The following DAB2IP variants were observed in gnomAD, a reference collection of about 807,000 sequenced individuals.
DAB2IP encodes the protein disabled homolog 2-interacting protein.
A neutral mutation model predicts 107.2 loss-of-function variants in DAB2IP; 28 were observed. The ratio of observed to expected loss-of-function variants is 0.26; its 90% CI spans 0.19 to 0.36. The LOEUF is 0.36. Ranked by LOEUF, DAB2IP falls within the 10% of genes least tolerant of loss-of-function variation. The probability of loss-of-function intolerance (pLI) is 1.00; values close to 1 mark genes in which losing one functional copy is unlikely to be tolerated. For missense variants in DAB2IP, 1,400 were observed against 1,644.7 expected, an observed-to-expected ratio of 0.85 and a Z score of 2.57; for synonymous variants, 755 against 706.4, an observed-to-expected ratio of 1.07 and a Z score of -1.09.
chr9:121,692,469 G>A (rs1202866496), intron 2 of DAB2IP, among the ~76,000 whole-genome samples: 2 of 152,186 alleles, frequency 1.3e-5, no homozygotes, highest in Non-Finnish European at 2.9e-5. Context: ...ACATGTTTAA[G>A]TGTGTCTTTC....
intron 1 of DAB2IP, among the ~76,000 whole-genome samples, chr9:121,636,796 A>G (rs1234781479): frequency 1.3e-5 from 2 of 152,166 alleles, no homozygotes; most frequent in African/African-American, 4.8e-5. Flanking sequence ...AGCCAAAATG[A>G]CACGGTGCAG....
At chr9:121,598,223 G>C (rs1157575621) in intron 1 of DAB2IP, 4 of 152,432 alleles carry the variant, frequency 2.6e-5, no homozygotes, top group Admixed American at 6.5e-5. Context: ...GCAGAGCTCC[G>C]GCTGCCGTTC....
rs149452173 is a variant in DAB2IP at position 121,772,965 on chromosome 9, T to C, written c.2437T>C (p.Ser813Pro). 3 of 1,590,584 alleles carry C rather than the reference T, an allele frequency of 1.9e-6. No homozygotes were observed. The highest frequency in any genetic ancestry group is 1.7e-6 in the Non-Finnish European group (2 of 1,170,318). The change falls in exon 12 of 16, where the codon TCC becomes CCC. Residue 813 changes from serine (S) to proline (P), a missense_variant. This residue lies in a region of DAB2IP where 600 missense variants were observed against 659.1 expected (regional missense o/e 0.91). Transcript: ENST00000408936. The surrounding 1 kb of genome is among the most constrained non-coding windows in gnomAD (Gnocchi z 4.7). The stretch of plus-strand genomic sequence containing the variant: ...CCAGACACCAACCACACCAGGCACC[T>C]CCGAGGGCGCGCCAGGCCGGCCCCA...
At position 121,776,418 on chromosome 9, in the gene DAB2IP, C is replaced by CCACAGG. The variant is rs768456583; in HGVS notation, c.3314+36_3314+41dup. The CCACAGG allele has an allele frequency of 1.3e-6, 2 of 1,496,500 alleles. No homozygotes were observed. The highest frequency in any genetic ancestry group is 1.8e-6 in the Non-Finnish European group (2 of 1,122,540). 92.7% of individuals were successfully genotyped at this position (1,496,500 alleles called of 1,614,324 possible). A position where few individuals can be genotyped will look rare whatever the true frequency, so the allele number is the denominator to read the frequency against. On this transcript the variant is annotated intron_variant, in intron 14 of 15. Transcript: ENST00000408936. This position sits in a 1 kb window ranked among gnomAD's most constrained non-coding sequence, Gnocchi z 5.4. ...TGGGGCCCACACCTGCCTGGCCTGG[C>CCACAGG]CACAGGCACAGGCAGGGCAGCCATC...
rs1412619760 is a variant in DAB2IP, at chr9:121,634,905, G to A, written c.41-43773G>A. 6.6e-6 allele frequency among the ~76,000 whole-genome samples: 1 copy of A among 152,168 alleles called. No homozygotes were observed. Among genetic ancestry groups the A allele is most frequent in the East Asian group, 1.9e-4 (1 of 5,190 alleles). ...CTGCTCCCTGCTGACTTGCACCTCAGAGGCACCCCCAGCCCCCTCAGCCAG... is the reference window on the plus strand; with the variant it reads ...CTGCTCCCTGCTGACTTGCACCTCAAAGGCACCCCCAGCCCCCTCAGCCAG... On this transcript the variant is annotated intron_variant, in intron 1 of 16. Coordinates refer to the DAB2IP transcript ENST00000259371. This position sits in a 1 kb window ranked among gnomAD's most constrained non-coding sequence, Gnocchi z 4.7.
At position 121,629,594 on chromosome 9, in the gene DAB2IP, C is replaced by G. The variant is rs911953527; in HGVS notation, c.41-49084C>G. On this transcript the variant is annotated intron_variant, in intron 1 of 16. Transcript: ENST00000259371. Reference sequence around the variant, plus strand: ...GCTCTTTCTGAACATAAAATAAGTGCCTGGGAGGCGGCCAGGGCCCCTGAA... The same window carrying G: ...GCTCTTTCTGAACATAAAATAAGTGGCTGGGAGGCGGCCAGGGCCCCTGAA... 5.9e-5 allele frequency among the ~76,000 whole-genome samples: 9 copies of G among 152,242 alleles called. 1 individual carries two copies.
In DAB2IP at chr9:121,636,745, T is replaced by C. The variant is rs535656990; in HGVS notation, c.41-41933T>C. On this transcript the variant is annotated intron_variant, in intron 1 of 16. Coordinates refer to the DAB2IP transcript ENST00000259371. ...TCCCATGTCAGCCTGGAGGAGTCTT[T>C]GCATGTCTTTACACCACGTCTTGAT... Among the ~76,000 whole-genome samples the C allele has an allele frequency of 4.2e-4, 64 of 152,304 alleles. 1 individual carries two copies. The South Asian group carries it at 0.013, about 31-fold the overall frequency.
chr9:121,643,085 C>T (rs1225307189), intron 1 of DAB2IP, among the ~76,000 whole-genome samples: 1 of 152,064 alleles, frequency 6.6e-6, no homozygotes, highest in African/African-American at 2.4e-5. Context: ...CTATCTTAGC[C>T]AGTGGCTCCT....
chr9:121,616,906 C>A (rs1459349388), intron 1 of DAB2IP, among the ~76,000 whole-genome samples: 7 of 152,334 alleles, frequency 4.6e-5, no homozygotes, highest in Middle Eastern at 3.4e-3. Flanking sequence ...CTGCCCCAGG[C>A]ACTGCTGTCC....
At chr9:121,647,735 G>A (rs1832585656), upstream of DAB2IP, among the ~76,000 whole-genome samples, 1 of 151,604 alleles carries the variant, frequency 6.6e-6, no homozygotes, top group Non-Finnish European at 1.5e-5. Context: ...GCTTCAATTT[G>A]CAATTGCAAA....
At chr9:121,648,177 G>A (rs1256620576), upstream of DAB2IP, among the ~76,000 whole-genome samples, 2 of 152,008 alleles carry the variant, frequency 1.3e-5, no homozygotes, top group Non-Finnish European at 2.9e-5. Flanking sequence ...TCGGGATATG[G>A]GTGCACCAAA....
At chr9:121,679,468 C>A (rs572238109) in intron 2 of DAB2IP, among the ~76,000 whole-genome samples, 3 of 143,896 alleles carry the variant, frequency 2.1e-5, no homozygotes, top group Non-Finnish European at 3.0e-5. Context: ...GTTCTGGGTC[C>A]CTTCACTCCC....
chr9:121,740,116 G>A (rs528536997), intron 3 of DAB2IP, among the ~76,000 whole-genome samples: 20 of 152,288 alleles, frequency 1.3e-4, no homozygotes, highest in Admixed American at 7.8e-4. Flanking sequence ...AAAGAAGTGC[G>A]TGAGGACCCA....
chr9:121,759,083 G>C, intron 5 of DAB2IP, 87 bp downstream of exon 5: 3 of 1,385,088 alleles, frequency 2.2e-6, no homozygotes, highest in African/African-American at 1.4e-5. Context: ...TCTGTGGTGT[G>C]GGCTGGGATT....
intron 2 of DAB2IP, among the ~76,000 whole-genome samples, chr9:121,681,809 A>T (rs1035893248): frequency 9.9e-5 from 15 of 152,066 alleles, no homozygotes; most frequent in African/African-American, 3.1e-4. Context: ...CAAATCCCAG[A>T]TCTTCCATGA....
At chr9:121,771,346 ACTCTCCC>A (rs1414405354) in intron 11 of DAB2IP, among the ~76,000 whole-genome samples, 3 of 151,414 alleles carry the variant, frequency 2.0e-5, no homozygotes, top group Non-Finnish European at 2.9e-5. Context: ...CTCTACCCCT[ACTCTCCC>A]CTCTCCCGCC....
intron 3 of DAB2IP, among the ~76,000 whole-genome samples, chr9:121,705,169 G>A (rs1343973583): frequency 6.6e-6 from 1 of 152,232 alleles, no homozygotes; most frequent in South Asian, 2.1e-4. Context: ...GTGGAAATTA[G>A]CTAGTGAGAA....
rs181185740 is a variant in DAB2IP at position 121,748,372 on chromosome 9, C to A, written c.363-8641C>A. ...ACTGTGAGGTAGGTGCCAAGAGTGT[C>A]CCACAGAGGGTGACCAGGCCGTTAG... On this transcript the variant is annotated intron_variant, in intron 3 of 15. Coordinates refer to ENST00000408936, the Ensembl canonical transcript of DAB2IP. 1.7e-3 allele frequency among the ~76,000 whole-genome samples: 263 copies of A among 152,270 alleles called. 2 individuals carry two copies. The highest frequency in any genetic ancestry group is 3.0e-3 in the Non-Finnish European group (201 of 68,020).
intron 3 of DAB2IP, among the ~76,000 whole-genome samples, chr9:121,718,876 G>T (rs1404572870): frequency 1.3e-5 from 2 of 152,158 alleles, no homozygotes; most frequent in African/African-American, 2.4e-5. Context: ...TCTGCTTAAA[G>T]CTGGCTCTGC....
Sources: gnomAD v4.1 joint callset for allele counts (sites outside exome capture counted in the v4.1 genomes callset) on GRCh38, gnomAD v4.1.1 for gene constraint, gnomAD v4.1.1 regional missense constraint, Gnocchi (gnomAD v3.1) non-coding constraint, MANE v1.5 for transcripts, NCBI Gene and HGNC (gene_info 2026-07-23, HGNC 2026-07-21) for gene names.